AP3B1: variants seen among roughly 807,000 people sequenced by gnomAD.
AP3B1 encodes the protein AP-3 complex subunit beta-1.
In AP3B1, 61 loss-of-function variants were observed where a neutral mutation model predicts 132.5. The ratio of observed to expected loss-of-function variants is 0.46; its 90% CI spans 0.37 to 0.57. AP3B1 has a LOEUF of 0.57. Ranked by LOEUF, AP3B1 falls within the 20% of genes least tolerant of loss-of-function variation. AP3B1 has a pLI of 0.00. For missense variants in AP3B1, 1,120 were observed against 1,289.4 expected (o/e 0.87, Z 2.01); for synonymous variants, 388 against 438.3 (o/e 0.89, Z 1.43).
chr5:78,195,713 A>G (rs1418057433), intron 7 of AP3B1, among the ~76,000 whole-genome samples: 1 of 152,048 alleles, frequency 6.6e-6, no homozygotes, highest in Non-Finnish European at 1.5e-5. Flanking sequence ...CCAGCTACTC[A>G]GGAGGCTGAG....
At chr5:78,163,624 GTATA>G (rs1185244042) in intron 12 of AP3B1, among the ~76,000 whole-genome samples, 4 of 136,684 alleles carry the variant, frequency 2.9e-5, no homozygotes, top group African/African-American at 9.1e-5. Context: ...TGTATATATA[GTATA>G]TATATAGTAT....
chr5:78,200,763 C>T (rs149315757), intron 7 of AP3B1, among the ~76,000 whole-genome samples: 60 of 152,148 alleles, frequency 3.9e-4, no homozygotes, highest in African/African-American at 1.1e-3. Flanking sequence ...ATAACATTAA[C>T]GTTACCAAAT....
chr5:78,261,005 C>T (rs189901086), intron 2 of AP3B1, among the ~76,000 whole-genome samples: 1 of 152,328 alleles, frequency 6.6e-6, no homozygotes, highest in Non-Finnish European at 1.5e-5. Flanking sequence ...TTCGTTTATT[C>T]ATCCACTGAT....
chr5:78,055,026 C>G (rs1335194020), intron 22 of AP3B1, among the ~76,000 whole-genome samples: 1,386 of 87,852 alleles, frequency 0.016, 24 homozygotes, highest in African/African-American at 0.057. Context: ...GACACACACA[C>G]ACACACACAC....
chr5:78,084,063 G>GA (rs1393285958), intron 22 of AP3B1, among the ~76,000 whole-genome samples: 2 of 152,014 alleles, frequency 1.3e-5, no homozygotes, highest in Non-Finnish European at 2.9e-5. Flanking sequence ...TCATTAATTT[G>GA]AAATTCCATC....
chr5:78,242,650 A>AC (rs1300951185), intron 2 of AP3B1, among the ~76,000 whole-genome samples: 5 of 150,554 alleles, frequency 3.3e-5, no homozygotes, highest in African/African-American at 1.2e-4. Context: ...CAAGTGATCC[A>AC]CCCCCCTCGG....
intron 22 of AP3B1, among the ~76,000 whole-genome samples, chr5:78,051,140 A>G (rs1748563484): frequency 6.6e-6 from 1 of 152,184 alleles, no homozygotes; most frequent in Non-Finnish European, 1.5e-5. Flanking sequence ...TTATTACAGT[A>G]AGCAAATAAG....
intron 8 of AP3B1, among the ~76,000 whole-genome samples, chr5:78,178,550 G>T (rs1210957099): frequency 6.6e-6 from 1 of 152,106 alleles, no homozygotes; most frequent in Non-Finnish European, 1.5e-5. Context: ...GAACCCAGGA[G>T]GTAGAGGTTG....
chr5:78,263,041 AT>A (rs1466244235), intron 2 of AP3B1, among the ~76,000 whole-genome samples: 1 of 151,932 alleles, frequency 6.6e-6, no homozygotes, highest in East Asian at 1.9e-4. Context: ...TTTAGGATGA[AT>A]TTTTTTCTAT....
chr5:78,106,499 G>T (rs1751345584), intron 20 of AP3B1, among the ~76,000 whole-genome samples: 1 of 151,940 alleles, frequency 6.6e-6, no homozygotes, highest in African/African-American at 2.4e-5. Context: ...CACAAGGTGG[G>T]TAGGGTTAAG....
intron 20 of AP3B1, chr5:78,101,231 A>C: frequency 2.0e-6 from 1 of 506,926 alleles, no homozygotes; most frequent in Non-Finnish European, 3.5e-6. Flanking sequence ...GCAAACTCTT[A>C]AACTATTTTG....
rs1333578443 is a variant in AP3B1, at chr5:78,174,156, T to C, written c.1167+1470A>G. On this transcript the variant is annotated intron_variant, in intron 11 of 26. Coordinates refer to ENST00000255194, the MANE Select transcript of AP3B1 (RefSeq NM_003664.5). ...GCTCCTTTCGCTCGGAGAAGTTTGT[T>C]ACTACCGACCTTCTGAAGCCTACTT... is the stretch of plus-strand genomic sequence containing the variant. Among the ~76,000 whole-genome samples, 3 of 152,184 alleles carry C rather than the reference T, an allele frequency of 2.0e-5. No individual in the cohort carries two copies. The East Asian group carries it at 5.8e-4, about 29-fold the overall frequency.
At chr5:78,129,096 T>C in intron 16 of AP3B1, 25 bp downstream of exon 16, 13 of 1,588,830 alleles carry the variant, frequency 8.2e-6, no homozygotes, top group Non-Finnish European at 1.1e-5. Flanking sequence ...ATAACATATA[T>C]TTTGGAGTTA....
intron 17 of AP3B1, among the ~76,000 whole-genome samples, chr5:78,125,645 A>G (rs905166659): frequency 6.6e-6 from 1 of 152,206 alleles, no homozygotes; most frequent in East Asian, 1.9e-4. Context: ...TCAGAGTCCA[A>G]TAGACTGAAG....
Position 78,279,836 on chromosome 5 carries a change from A to ATC in AP3B1, c.129-12242_129-12241insGA, listed in dbSNP as rs1301828541. Among the ~76,000 whole-genome samples the ATC allele has an allele frequency of 5.5e-5, 8 of 144,476 alleles. No individual in the cohort carries two copies. The South Asian group carries it at 6.3e-4, about 11-fold the overall frequency. The allele number at this position is 144,476 out of a possible 152,430, so 94.8% of individuals were successfully genotyped here. A position where few individuals can be genotyped will look rare whatever the true frequency, so the allele number is the denominator to read the frequency against. On this transcript the variant is annotated intron_variant, in intron 1 of 26. Transcript: ENST00000255194. ...TATATGTATATATAGGTGTGTATAT[A>ATC]TATATAGGACTTAAATATATATAGG...
chr5:78,157,138 C>T (rs1490250457), intron 13 of AP3B1, among the ~76,000 whole-genome samples: 1 of 152,136 alleles, frequency 6.6e-6, no homozygotes, highest in Non-Finnish European at 1.5e-5. Flanking sequence ...AGCCTCCTCT[C>T]CCTGGTATTA....
chr5:78,119,659 G>A (rs571657225), intron 17 of AP3B1, among the ~76,000 whole-genome samples: 10 of 152,238 alleles, frequency 6.6e-5, no homozygotes, highest in South Asian at 4.1e-4. Flanking sequence ...AAAAAGAAAC[G>A]AACAAAGCCT....
intron 2 of AP3B1, among the ~76,000 whole-genome samples, chr5:78,258,379 T>G (rs1747937571): frequency 6.6e-6 from 1 of 152,148 alleles, no homozygotes; most frequent in Non-Finnish European, 1.5e-5. Context: ...GCAAAAGATT[T>G]GAAAAGACGT....
intron 17 of AP3B1, among the ~76,000 whole-genome samples, chr5:78,118,517 G>C (rs1256971899): frequency 6.6e-6 from 1 of 152,230 alleles, no homozygotes; most frequent in Non-Finnish European, 1.5e-5. Context: ...CGGCACACCA[G>C]GAGATTATAT....
Sources: gnomAD v4.1 joint callset for allele counts (sites outside exome capture counted in the v4.1 genomes callset) on GRCh38, gnomAD v4.1.1 for gene constraint, MANE v1.5 for transcripts, NCBI Gene and HGNC (gene_info 2026-07-23, HGNC 2026-07-21) for gene names.